The following CYP7B1 variants were observed in gnomAD, a reference collection of about 807,000 sequenced individuals.
The protein encoded by CYP7B1 is cytochrome P450 family 7 subfamily B member 1, also known as cytochrome P450 7B1.
In CYP7B1, 29 loss-of-function variants were observed where a neutral mutation model predicts 42.7. That is an observed-to-expected ratio of 0.68 (90% CI 0.51 to 0.93). CYP7B1 has a LOEUF of 0.93. Ranked by LOEUF, CYP7B1 falls within the 40% of genes least tolerant of loss-of-function variation. The pLI is 0.00. For synonymous variants in CYP7B1, 235 were observed against 218.2 expected (o/e 1.08, Z -0.68); for missense variants, 655 against 600.5 (o/e 1.09, Z -0.95).
chr8:64,648,200 A>G (rs1472785956), intron 1 of CYP7B1, among the ~76,000 whole-genome samples: 2 of 152,138 alleles, frequency 1.3e-5, no homozygotes, highest in Non-Finnish European at 2.9e-5. Context: ...TTGATTATGA[A>G]TTATGTGCTC....
intron 1 of CYP7B1, among the ~76,000 whole-genome samples, chr8:64,646,513 T>A (rs1805956829): frequency 6.6e-6 from 1 of 152,220 alleles, no homozygotes; most frequent in Non-Finnish European, 1.5e-5. Flanking sequence ...ACCAGCTGCA[T>A]TAGCCCCTAA....
At chr8:64,787,863 C>T (rs1798872589) in intron 1 of CYP7B1, among the ~76,000 whole-genome samples, 1 of 152,206 alleles carries the variant, frequency 6.6e-6, no homozygotes, top group South Asian at 2.1e-4. Flanking sequence ...GAAACTTACA[C>T]ACATGGCTGA....
At chr8:64,606,696 A>G (rs1283704303) in intron 4 of CYP7B1, among the ~76,000 whole-genome samples, 2 of 152,216 alleles carry the variant, frequency 1.3e-5, no homozygotes, top group East Asian at 3.9e-4. Context: ...TAGCGGTCAG[A>G]TAGTAAGTGA....
At position 64,615,777 on chromosome 8, in the gene CYP7B1, G is replaced by T. The variant is rs768960597; in HGVS notation, c.764C>A (p.Ala255Asp). The change falls in exon 3 of 6, where the codon GCC (alanine) becomes GAC (aspartate). Residue 255 changes from alanine to aspartate, a missense_variant. Transcript: ENST00000310193. ...IIKCFSSEKL[A>D]KMQGWSEVFQ... ...AACTTCTGACCATCCTTGCATCTTG[G>T]CTAACTTTTCTGATGAGAAGCATTT... 9 of 1,613,528 alleles carry T rather than the reference G, an allele frequency of 5.6e-6. No individual in the cohort carries two copies. In the African/African-American group the frequency reaches 1.2e-4, roughly 22 times the overall value.
rs1585878715 is a variant in CYP7B1, at chr8:64,724,978, T to C, written c.122+73488A>G. Among the ~76,000 whole-genome samples the C allele has an allele frequency of 2.0e-5, 3 of 152,356 alleles. No individual in the cohort carries two copies. In the South Asian group the frequency reaches 6.2e-4, roughly 32 times the overall value. Reference sequence around the variant, plus strand: ...TGACCTAACCTTGTCCGATAGTACGTCATAAGACCCTCATTCCAGAGGTTT... The same window carrying C: ...TGACCTAACCTTGTCCGATAGTACGCCATAAGACCCTCATTCCAGAGGTTT... On this transcript the variant is annotated intron_variant, in intron 1 of 5. Coordinates refer to ENST00000310193, the MANE Select transcript of CYP7B1 (RefSeq NM_004820.5).
chr8:64,715,792 A>G (rs898571222), intron 1 of CYP7B1, among the ~76,000 whole-genome samples: 1 of 152,196 alleles, frequency 6.6e-6, no homozygotes, highest in Non-Finnish European at 1.5e-5. Context: ...TAAGCATCTG[A>G]ATCTTTTAGT....
chr8:64,695,131 C>T (rs1366620982), intron 1 of CYP7B1, among the ~76,000 whole-genome samples: 3 of 152,184 alleles, frequency 2.0e-5, no homozygotes, highest in Non-Finnish European at 2.9e-5. Context: ...GCTGTCCCTG[C>T]CCTCCCTCTG....
At chr8:64,645,639 T>C (rs1482607109) in intron 1 of CYP7B1, among the ~76,000 whole-genome samples, 1 of 152,116 alleles carries the variant, frequency 6.6e-6, no homozygotes, top group Non-Finnish European at 1.5e-5. Context: ...AATTTATAGA[T>C]TAAATGCCAT....
intron 1 of CYP7B1, among the ~76,000 whole-genome samples, chr8:64,721,730 A>G (rs1283161006): frequency 1.3e-5 from 2 of 152,184 alleles, no homozygotes; most frequent in Non-Finnish European, 2.9e-5. Context: ...ATTTACAGAT[A>G]TATATTTCAT....
chr8:64,756,988 A>G (rs545198037), intron 1 of CYP7B1, among the ~76,000 whole-genome samples: 31 of 152,284 alleles, frequency 2.0e-4, no homozygotes, highest in South Asian at 1.7e-3. Flanking sequence ...CTTATTGTGG[A>G]GACCAGCCAG....
intron 1 of CYP7B1, among the ~76,000 whole-genome samples, chr8:64,764,229 G>GCCCCCCCCCC (rs59605103): frequency 8.0e-6 from 1 of 125,234 alleles, no homozygotes; most frequent in Non-Finnish European, 1.7e-5. Flanking sequence ...CTTCCACGCT[G>GCCCCCCCCCC]CCCCCCCCAC....
chr8:64,688,847 A>G (rs778985398), intron 1 of CYP7B1, among the ~76,000 whole-genome samples: 2 of 152,146 alleles, frequency 1.3e-5, no homozygotes, highest in Non-Finnish European at 2.9e-5. Flanking sequence ...GGATTGCTCA[A>G]CCTGGGAGAT....
At chr8:64,666,924 T>A (rs1457650843) in intron 1 of CYP7B1, among the ~76,000 whole-genome samples, 2 of 152,196 alleles carry the variant, frequency 1.3e-5, no homozygotes, top group African/African-American at 4.8e-5. Flanking sequence ...TGTTAATTTG[T>A]TCAATTTCTA....
chr8:64,795,869 C>G (rs1402274917), intron 1 of CYP7B1, among the ~76,000 whole-genome samples: 2 of 152,136 alleles, frequency 1.3e-5, no homozygotes, highest in Non-Finnish European at 2.9e-5. Flanking sequence ...AAGACAATTT[C>G]ACAAAAGGAA....
chr8:64,621,530 T>C (rs1805529270), intron 2 of CYP7B1, among the ~76,000 whole-genome samples: 1 of 152,092 alleles, frequency 6.6e-6, no homozygotes, highest in Non-Finnish European at 1.5e-5. Flanking sequence ...CCACCAGGTA[T>C]GGCGTGTGAG....
At chr8:64,641,759 G>T (rs968454677) in intron 1 of CYP7B1, among the ~76,000 whole-genome samples, 3 of 152,104 alleles carry the variant, frequency 2.0e-5, no homozygotes, top group Non-Finnish European at 4.4e-5. Flanking sequence ...CTGATGAACT[G>T]TTAGGAGCAA....
intron 5 of CYP7B1, among the ~76,000 whole-genome samples, chr8:64,602,711 G>A (rs1019036385): frequency 3.3e-5 from 5 of 152,152 alleles, no homozygotes; most frequent in East Asian, 1.9e-4. Flanking sequence ...AATGGCTCAC[G>A]GTAGACTTTT....
rs558267861 is a variant in CYP7B1 at position 64,725,027 on chromosome 8, A to G, written c.122+73439T>C. ...TTCCTGCCCATTCCAGTGAGAAGAAATACTACAACAGAGAAGCCAAGAAGA... is the reference window on the plus strand; with the variant it reads ...TTCCTGCCCATTCCAGTGAGAAGAAGTACTACAACAGAGAAGCCAAGAAGA... On this transcript the variant is annotated intron_variant, in intron 1 of 5. Coordinates refer to ENST00000310193, the MANE Select transcript of CYP7B1 (RefSeq NM_004820.5). 2.7e-4 allele frequency among the ~76,000 whole-genome samples: 41 copies of G among 152,338 alleles called. 1 individual carries two copies. Among genetic ancestry groups the G allele is most frequent in the African/African-American group, 9.6e-4 (40 of 41,586 alleles).
intron 1 of CYP7B1, among the ~76,000 whole-genome samples, chr8:64,639,418 T>C (rs1805821548): frequency 6.6e-6 from 1 of 151,938 alleles, no homozygotes; most frequent in African/African-American, 2.4e-5. Flanking sequence ...CTTATAACTA[T>C]AGGGAGACAA....
Sources: allele counts gnomAD v4.1 joint callset (sites outside exome capture counted in the v4.1 genomes callset), GRCh38; gene constraint gnomAD v4.1.1; transcripts MANE v1.5; gene names NCBI Gene and HGNC (gene_info 2026-07-23, HGNC 2026-07-21).